Variants in PLEKHA8 observed in about 807,000 individuals in gnomAD.
PLEKHA8 encodes the protein pleckstrin homology domain containing A8, also known as pleckstrin homology domain-containing family A member 8.
A neutral mutation model predicts 68.2 loss-of-function variants in PLEKHA8; 36 were observed. That is an observed-to-expected ratio of 0.53 (90% CI 0.40 to 0.70). The LOEUF (loss-of-function observed/expected upper bound fraction) is 0.70. PLEKHA8 is among the 30% of genes least tolerant of loss of function. PLEKHA8 has a pLI of 0.00. For missense variants in PLEKHA8, 505 were observed against 615.4 expected, an observed-to-expected ratio of 0.82 and a Z score of 1.90; for synonymous variants, 211 against 216.1, an observed-to-expected ratio of 0.98 and a Z score of 0.20.
chr7:30,039,559 G>A (rs1396866896), intron 1 of PLEKHA8, among the ~76,000 whole-genome samples: 4 of 152,138 alleles, frequency 2.6e-5, no homozygotes, highest in Non-Finnish European at 5.9e-5. Context: ...TTCTTAAGTA[G>A]TTTATTCTTT....
At chr7:30,109,710 C>T (rs1313902998) in intron 13 of PLEKHA8, among the ~76,000 whole-genome samples, 8 of 144,200 alleles carry the variant, frequency 5.5e-5, no homozygotes, top group African/African-American at 2.0e-4. Context: ...CTCACTTTGT[C>T]ACCCAGGCTG....
chr7:30,097,035 C>G (rs866924842), intron 13 of PLEKHA8, among the ~76,000 whole-genome samples: 6 of 152,292 alleles, frequency 3.9e-5, no homozygotes, highest in African/African-American at 1.4e-4. Context: ...GTGACAAAAT[C>G]TCTCAGCATT....
intron 13 of PLEKHA8, among the ~76,000 whole-genome samples, chr7:30,106,979 T>C (rs1796084849): frequency 6.6e-6 from 1 of 152,210 alleles, no homozygotes; most frequent in Admixed American, 6.5e-5. Flanking sequence ...TTTGACTATA[T>C]AGTGTTTTCC....
At chr7:30,070,557 T>TC (rs967494129) in intron 12 of PLEKHA8, among the ~76,000 whole-genome samples, 2 of 151,814 alleles carry the variant, frequency 1.3e-5, no homozygotes, top group African/African-American at 4.8e-5. Context: ...CTTTTTTTTT[T>TC]TTTTTTGAGA....
chr7:30,070,153 T>C (rs1446488781), intron 12 of PLEKHA8, among the ~76,000 whole-genome samples: 2 of 152,012 alleles, frequency 1.3e-5, no homozygotes, highest in African/African-American at 4.8e-5. Flanking sequence ...TTATGACTTT[T>C]ATTTCATTTG....
chr7:30,078,748 A>T lies in PLEKHA8; in HGVS notation c.1521A>T (p.Leu507Phe). 1 of 1,613,732 alleles carries T rather than the reference A, an allele frequency of 6.2e-7. No individual in the cohort carries two copies. Among genetic ancestry groups the T allele is most frequent in the Non-Finnish European group, 8.5e-7 (1 of 1,179,756 alleles). The stretch of plus-strand genomic sequence containing the variant: ...AGCAGCTGGCCATACTGGACACTTT[A>T]TATGAGGTCCACGGGCTGGAATCTG... ...MEKQLAILDT[L>F]YEVHGLESDE... The change falls in exon 14 of 14, where the codon TTA becomes TTT. Residue 507 changes from leucine (L) to phenylalanine (F), a missense_variant. Transcript: ENST00000449726.
chr7:30,033,115 C>G (rs1018796671), intron 1 of PLEKHA8, among the ~76,000 whole-genome samples: 1 of 152,144 alleles, frequency 6.6e-6, no homozygotes, highest in East Asian at 1.9e-4. Flanking sequence ...ACTGGTCAAC[C>G]CTTTTTGTTG....
intron 13 of PLEKHA8, among the ~76,000 whole-genome samples, chr7:30,098,163 T>C (rs913292565): frequency 6.6e-6 from 1 of 152,230 alleles, no homozygotes; most frequent in African/African-American, 2.4e-5. Context: ...CCGCAAACGC[T>C]GCTGCCTGAT....
chr7:30,046,319 A>C lies in PLEKHA8; in HGVS notation c.267A>C (p.Gly89=). ...AERQRWLVAL[G]SAKACLTDSR... ...GACAGCGGTGGCTGGTGGCCCTGGG[A>C]TCAGCCAAGGCTTGCCTGACTGACA... The change falls in exon 3 of 14, where the codon GGA becomes GGC. Residue 89 remains glycine, a synonymous_variant. Transcript: ENST00000449726. 1 of 1,613,712 alleles carries C rather than the reference A, an allele frequency of 6.2e-7. No homozygotes were observed.
At chr7:30,092,091 C>T (rs1328008500), downstream of PLEKHA8, among the ~76,000 whole-genome samples, 2 of 152,142 alleles carry the variant, frequency 1.3e-5, no homozygotes, top group African/African-American at 4.8e-5. Flanking sequence ...AATCCCAAAT[C>T]CTCAACTTGA....
At chr7:30,070,986 A>G (rs548375653) in intron 12 of PLEKHA8, among the ~76,000 whole-genome samples, 1 of 152,326 alleles carries the variant, frequency 6.6e-6, no homozygotes, top group East Asian at 1.9e-4. Flanking sequence ...ACAATTCTGA[A>G]TCAGAATGAT....
chr7:30,113,193 G>C (rs1377202768), intron 13 of PLEKHA8, among the ~76,000 whole-genome samples: 1 of 152,058 alleles, frequency 6.6e-6, no homozygotes, highest in Non-Finnish European at 1.5e-5. Context: ...CTTGCTTTCT[G>C]CATCTTTCTT....
At chr7:30,093,442 C>G (rs904799383), downstream of PLEKHA8, among the ~76,000 whole-genome samples, 5 of 152,194 alleles carry the variant, frequency 3.3e-5, no homozygotes, top group African/African-American at 1.2e-4. Context: ...CAGCCTGCCT[C>G]TAAGCCCACA....
intron 13 of PLEKHA8, among the ~76,000 whole-genome samples, chr7:30,099,415 TAAG>T (rs1040553073): frequency 4.6e-5 from 7 of 152,244 alleles, no homozygotes; most frequent in African/African-American, 1.7e-4. Context: ...GCAGGTTCTC[TAAG>T]AAGTATAAAC....
chr7:30,125,639 C>T (rs565094256), intron 13 of PLEKHA8, among the ~76,000 whole-genome samples: 1 of 152,268 alleles, frequency 6.6e-6, no homozygotes, highest in South Asian at 2.1e-4. Flanking sequence ...TCAGTTATTA[C>T]TTAAAATGTT....
chr7:30,080,415 A>C lies in PLEKHA8; in HGVS notation c.*1628A>C. 1 of 985,118 alleles carries C rather than the reference A, an allele frequency of 1.0e-6. No homozygotes were observed. The highest frequency in any genetic ancestry group is 1.2e-6 in the Non-Finnish European group (1 of 829,868). The allele number at this position is 985,118 out of a possible 1,614,324, so 61.0% of individuals were successfully genotyped here. On this transcript the variant is annotated 3_prime_UTR_variant, in exon 14 of 14. Coordinates refer to ENST00000449726, the MANE Select transcript of PLEKHA8 (RefSeq NM_001197026.2). ...GTTATCCAGGGTAGAAGGTCCTTTG[A>C]GGGGCTTGGTTGAATTGAGAGCATC...
At chr7:30,116,008 A>ACATGTGCG (rs1796509871) in intron 13 of PLEKHA8, 2 of 150,808 alleles carry the variant, frequency 1.3e-5, no homozygotes, top group Non-Finnish European at 3.0e-5. Context: ...ACATACGCAT[A>ACATGTGCG]CATACGCATA....
chr7:30,129,011 A>G lies in PLEKHA8; in HGVS notation c.1363-255A>G, dbSNP rs373549657. Among the ~76,000 whole-genome samples the G allele has an allele frequency of 1.2e-4, 18 of 152,322 alleles. No homozygotes were observed. The East Asian group carries it at 1.3e-3, about 11-fold the overall frequency. On this transcript the variant is annotated intron_variant, in intron 13 of 13. Transcript: ENST00000396257. ...ACCCCCATGACCCAAACACCTCCCAATAGGCCCTGCCTCCACCACTGGGGA... is the reference window on the plus strand; with the variant it reads ...ACCCCCATGACCCAAACACCTCCCAGTAGGCCCTGCCTCCACCACTGGGGA...
At chr7:30,116,098 A>G (rs541055783) in intron 13 of PLEKHA8, 38 of 150,808 alleles carry the variant, frequency 2.5e-4, no homozygotes, top group African/African-American at 5.9e-4. Context: ...ACATACGTAT[A>G]CATACGCATA....
Sources: allele counts gnomAD v4.1 joint callset (sites outside exome capture counted in the v4.1 genomes callset), GRCh38; gene constraint gnomAD v4.1.1; transcripts MANE v1.5; gene names NCBI Gene and HGNC (gene_info 2026-07-23, HGNC 2026-07-21).